FHOD3: variants seen among roughly 807,000 people sequenced by gnomAD.
The protein encoded by FHOD3 is formin homology 2 domain containing 3.
FHOD3 carries 90 observed loss-of-function variants against 173.0 expected under a neutral mutation model. That is an observed-to-expected ratio of 0.52 (90% confidence interval 0.44 to 0.62). FHOD3 has a LOEUF of 0.62. Ranked by LOEUF, FHOD3 falls within the 20% of genes least tolerant of loss-of-function variation. The pLI, the probability that FHOD3 is intolerant of heterozygous loss-of-function variation, is 0.00. For missense variants in FHOD3, 1,945 were observed against 2,034.7 expected, an observed-to-expected ratio of 0.96 and a Z score of 0.85; for synonymous variants, 828 against 823.0, an observed-to-expected ratio of 1.01 and a Z score of -0.10.
chr18:36,749,281 A>G (rs951244004), intron 24 of FHOD3, among the ~76,000 whole-genome samples: 2 of 152,192 alleles, frequency 1.3e-5, no homozygotes, highest in African/African-American at 4.8e-5. Flanking sequence ...TTCATCACCC[A>G]GGTACTAAGC....
intron 20 of FHOD3, among the ~76,000 whole-genome samples, chr18:36,734,920 G>C (rs928038996): frequency 6.6e-6 from 1 of 152,094 alleles, no homozygotes; most frequent in Non-Finnish European, 1.5e-5. Context: ...TATGTATCCA[G>C]GTTTGTCATG....
intron 19 of FHOD3, among the ~76,000 whole-genome samples, chr18:36,729,591 C>T (rs1303430061): frequency 6.6e-6 from 1 of 152,138 alleles, no homozygotes; most frequent in Non-Finnish European, 1.5e-5. Context: ...TGTAAGCAGC[C>T]ACCTTCTTGC....
At chr18:36,637,316 T>A (rs1353303854) in intron 10 of FHOD3, among the ~76,000 whole-genome samples, 1 of 152,190 alleles carries the variant, frequency 6.6e-6, no homozygotes, top group Non-Finnish European at 1.5e-5. Flanking sequence ...GTTTTGGGGT[T>A]TTTCTGAGAC....
intron 5 of FHOD3, among the ~76,000 whole-genome samples, chr18:36,529,166 A>T (rs909465132): frequency 4.6e-5 from 7 of 152,222 alleles, no homozygotes; most frequent in African/African-American, 1.7e-4. Context: ...ATCTTGTTTA[A>T]CTTGAATATG....
chr18:36,448,209 G>A (rs1472139340), intron 3 of FHOD3, among the ~76,000 whole-genome samples: 2 of 152,268 alleles, frequency 1.3e-5, no homozygotes, highest in African/African-American at 4.8e-5. Flanking sequence ...GAGTACACTT[G>A]TGATAGGAAG....
At chr18:36,696,303 C>T (rs1419293958) in intron 17 of FHOD3, among the ~76,000 whole-genome samples, 1 of 152,178 alleles carries the variant, frequency 6.6e-6, no homozygotes, top group Non-Finnish European at 1.5e-5. Context: ...CTAACCCTCT[C>T]ACCAACATCT....
At chr18:36,559,500 C>A (rs547544454) in intron 5 of FHOD3, among the ~76,000 whole-genome samples, 8 of 152,292 alleles carry the variant, frequency 5.3e-5, no homozygotes, top group Admixed American at 5.2e-4. Context: ...ACCTACCATT[C>A]ACCTACAGCC....
intron 16 of FHOD3, among the ~76,000 whole-genome samples, chr18:36,687,935 A>G (rs180983673): frequency 4.5e-4 from 69 of 152,322 alleles, no homozygotes; most frequent in African/African-American, 1.6e-3. Flanking sequence ...TGTAAGAAAA[A>G]CATATATGAG....
At chr18:36,365,352 T>C (rs1486722877) in intron 2 of FHOD3, among the ~76,000 whole-genome samples, 4 of 152,162 alleles carry the variant, frequency 2.6e-5, no homozygotes, top group Non-Finnish European at 5.9e-5. Flanking sequence ...GGAGAAAATG[T>C]TTGTAAATCA....
intron 24 of FHOD3, among the ~76,000 whole-genome samples, chr18:36,753,525 T>G (rs1455943177): frequency 6.6e-6 from 1 of 152,272 alleles, no homozygotes; most frequent in East Asian, 1.9e-4. Flanking sequence ...TATGAACTTT[T>G]GTGTAGAAGG....
In FHOD3 at chr18:36,747,106, A is replaced by G. The variant is rs763554824; in HGVS notation, c.4203A>G (p.Leu1401=). The G allele has an allele frequency of 6.2e-7, 1 of 1,613,076 alleles. No homozygotes were observed. Among genetic ancestry groups the G allele is most frequent in the Non-Finnish European group, 8.5e-7 (1 of 1,179,710 alleles). Reference sequence around the variant, plus strand: ...ACTGTGCAGAGCGAATTATAATTTTAAAGATTGTCCATAGAAGGATAATCA... The same window carrying G: ...ACTGTGCAGAGCGAATTATAATTTTGAAGATTGTCCATAGAAGGATAATCA... The part of the protein sequence containing the change: ...LKDCAERIII[L]KIVHRRIINR... Residue 1401 remains leucine (L), a synonymous_variant, in exon 24 of 29, where the codon TTA becomes TTG. Coordinates refer to ENST00000590592, the MANE Select transcript of FHOD3 (RefSeq NM_001281740.3).
At chr18:36,725,828 T>C (rs1027769308) in intron 19 of FHOD3, among the ~76,000 whole-genome samples, 5 of 152,342 alleles carry the variant, frequency 3.3e-5, no homozygotes, top group African/African-American at 1.2e-4. Flanking sequence ...CTAATCTTAG[T>C]GTCTTTGTTA....
intron 15 of FHOD3, among the ~76,000 whole-genome samples, chr18:36,681,856 CAG>C (rs2038265600): frequency 6.6e-6 from 1 of 152,294 alleles, no homozygotes; most frequent in Admixed American, 6.5e-5. Flanking sequence ...CTCCGGATGA[CAG>C]AGAGTGTAAT....
intron 25 of FHOD3, 82 bp downstream of exon 25, chr18:36,755,393 T>G: frequency 1.9e-5 from 11 of 568,870 alleles, no homozygotes; most frequent in South Asian, 7.5e-5. Flanking sequence ...AGTTAAAAGC[T>G]GTGCTTTTTT....
intron 25 of FHOD3, among the ~76,000 whole-genome samples, chr18:36,758,780 C>G (rs888734060): frequency 2.0e-5 from 3 of 152,248 alleles, no homozygotes; most frequent in Non-Finnish European, 4.4e-5. Context: ...GAGCAGGACA[C>G]TCTCAGCACG....
At chr18:36,310,984 CA>C (rs1226800887) in intron 1 of FHOD3, among the ~76,000 whole-genome samples, 1 of 151,604 alleles carries the variant, frequency 6.6e-6, no homozygotes, top group Non-Finnish European at 1.5e-5. Context: ...TCAATGACCA[CA>C]AACTGAATAA....
Position 36,418,997 on chromosome 18 carries a change from TG to T in FHOD3, c.337+46259del, listed in dbSNP as rs146930707. 6.1e-3 allele frequency among the ~76,000 whole-genome samples: 934 copies of T among 152,146 alleles called. 14 individuals are homozygous for T. Among genetic ancestry groups the T allele is most frequent in the African/African-American group, 0.021 (890 of 41,512 alleles). The stretch of plus-strand genomic sequence containing the variant: ...CATAAATAAGACTAAAATAGTGGTC[TG>T]GGGGGAATTAACACAGTGGGAGGGG... On this transcript the variant is annotated intron_variant, in intron 3 of 28. Transcript: ENST00000590592.
At chr18:36,734,121 A>G (rs910514202) in intron 20 of FHOD3, among the ~76,000 whole-genome samples, 1 of 152,188 alleles carries the variant, frequency 6.6e-6, no homozygotes, top group African/African-American at 2.4e-5. Flanking sequence ...TTACAGAGCA[A>G]TTTGAAGTGA....
chr18:36,580,006 G>A (rs567948791), intron 6 of FHOD3, among the ~76,000 whole-genome samples: 8 of 151,310 alleles, frequency 5.3e-5, no homozygotes, highest in Non-Finnish European at 1.2e-4. Flanking sequence ...TGTGGCAACA[G>A]CATCATATTG....
Sources: gnomAD v4.1 joint callset for allele counts (sites outside exome capture counted in the v4.1 genomes callset) on GRCh38, gnomAD v4.1.1 for gene constraint, MANE v1.5 for transcripts, NCBI Gene and HGNC (gene_info 2026-07-23, HGNC 2026-07-21) for gene names.